The following ADAM17 variants were observed in gnomAD, a reference collection of about 807,000 sequenced individuals.
The protein encoded by ADAM17 is disintegrin and metalloproteinase domain-containing protein 17.
In ADAM17, 39 loss-of-function variants were observed where a neutral mutation model predicts 96.7. The observed-to-expected ratio is 0.40, with a 90% CI of 0.31 to 0.53. The LOEUF (loss-of-function observed/expected upper bound fraction) is 0.53, where lower values mean the gene tolerates loss of function less well. ADAM17 is among the 20% of genes least tolerant of loss of function. The pLI is 0.44. For synonymous variants in ADAM17, 344 were observed against 359.2 expected (o/e 0.96, Z 0.48); for missense variants, 777 against 1,013.2 (o/e 0.77, Z 3.17).
chr2:9,497,802 G>A (rs1260150592), intron 13 of ADAM17, among the ~76,000 whole-genome samples: 1 of 152,082 alleles, frequency 6.6e-6, no homozygotes, highest in Admixed American at 6.6e-5. Flanking sequence ...ATATCCCTGA[G>A]GATGCTAAGT....
At chr2:9,550,265 T>C (rs1160830085) in intron 1 of ADAM17, among the ~76,000 whole-genome samples, 1 of 152,006 alleles carries the variant, frequency 6.6e-6, no homozygotes, top group African/African-American at 2.4e-5. Context: ...TATGAGCTGC[T>C]TCAACTAATT....
rs573141578 is a variant in ADAM17 at position 9,532,597 on chromosome 2, A to G, written c.450+3237T>C. Among the ~76,000 whole-genome samples, 6 of 151,636 alleles carry G rather than the reference A, an allele frequency of 4.0e-5. No homozygotes were observed. In the South Asian group the frequency reaches 1.2e-3, roughly 32 times the overall value. On this transcript the variant is annotated intron_variant, in intron 4 of 18. Coordinates refer to ENST00000310823, the MANE Select transcript of ADAM17 (RefSeq NM_003183.6). ...ACTGATCCTACTGCTTCAGCATTCT[A>G]AGTAGCTGAGACCACAGGCATGTGC...
At chr2:9,521,389 T>C in intron 7 of ADAM17, 73 bp from the exon 8 acceptor site, 1 of 1,051,494 alleles carries the variant, frequency 9.5e-7, no homozygotes, top group Non-Finnish European at 1.4e-6. Context: ...TGCATTATTT[T>C]ATCTGTTCAA....
intron 8 of ADAM17, among the ~76,000 whole-genome samples, chr2:9,520,730 G>A (rs746497645): frequency 2.6e-4 from 40 of 151,972 alleles, no homozygotes; most frequent in Non-Finnish European, 8.8e-5. Context: ...TTGGGAGGCC[G>A]AGGCAGACGG....
At chr2:9,546,335 G>C (rs988825096) in intron 1 of ADAM17, among the ~76,000 whole-genome samples, 1 of 152,128 alleles carries the variant, frequency 6.6e-6, no homozygotes, top group Non-Finnish European at 1.5e-5. Context: ...AACTGCAATT[G>C]ATTCTCTTTT....
chr2:9,531,332 C>T (rs1205199406), intron 4 of ADAM17, among the ~76,000 whole-genome samples: 1 of 151,938 alleles, frequency 6.6e-6, no homozygotes, highest in East Asian at 2.0e-4. Flanking sequence ...CTTTGGGAGG[C>T]CGAGGTGGGC....
In ADAM17 at chr2:9,494,745, C is replaced by T. The variant is rs1307929891; in HGVS notation, c.1806G>A (p.Val602=). The change falls in exon 15 of 19, where the codon GTG becomes GTA. Residue 602 remains valine, a synonymous_variant. Coordinates refer to ENST00000310823, the MANE Select transcript of ADAM17 (RefSeq NM_003183.6). ...ACNETDNSCK[V]CCRDLSGRCV... ...AGCGGCCAGAAAGGTCCCTGCAGCA[C>T]ACCTTGCAGGAGTTGTCAGTTTCTG... The T allele has an allele frequency of 6.2e-7, 1 of 1,613,978 alleles. No individual in the cohort carries two copies. The highest frequency in any genetic ancestry group is 1.3e-5 in the African/African-American group (1 of 74,918).
chr2:9,550,903 CAAAAAAAAAA>C (rs33972062), intron 1 of ADAM17, among the ~76,000 whole-genome samples: 5 of 97,868 alleles, frequency 5.1e-5, no homozygotes, highest in African/African-American at 1.9e-4. Context: ...ACTAAAAATA[CAAAAAAAAAA>C]AAAAAAAAAA....
At position 9,494,845 on chromosome 2, in the gene ADAM17, C is replaced by T. The variant is rs1202595492; in HGVS notation, c.1784-78G>A. The stretch of plus-strand genomic sequence containing the variant: ...CTCCTGCCTCCTCTTTCCTCCCTGA[C>T]CATGCTCCCAAAGAGGTAAGAAATC... On this transcript the variant is annotated intron_variant, in intron 14 of 18. Coordinates refer to ENST00000310823, the MANE Select transcript of ADAM17 (RefSeq NM_003183.6). The T allele has an allele frequency of 2.6e-6, 4 of 1,549,882 alleles. No individual in the cohort carries two copies. The Admixed American group carries it at 7.4e-5, about 28-fold the overall frequency.
rs1662432968 is a variant in ADAM17, at chr2:9,494,744, A to G, written c.1807T>C (p.Cys603Arg). 6.2e-7 allele frequency: 1 copy of G among 1,614,094 alleles called. No individual in the cohort carries two copies. The highest frequency in any genetic ancestry group is 8.5e-7 in the Non-Finnish European group (1 of 1,179,982). Residue 603 changes from cysteine (C) to arginine (R), a missense_variant, in exon 15 of 19, where the codon TGC becomes CGC. Coordinates refer to ENST00000310823, the MANE Select transcript of ADAM17 (RefSeq NM_003183.6). ...CNETDNSCKVCCRDLSGRCVP... is the reference protein window; with the variant it reads ...CNETDNSCKVRCRDLSGRCVP... ...CAGCGGCCAGAAAGGTCCCTGCAGC[A>G]CACCTTGCAGGAGTTGTCAGTTTCT...
intron 7 of ADAM17, chr2:9,522,498 T>C: frequency 1.8e-6 from 1 of 550,816 alleles, no homozygotes; most frequent in East Asian, 2.9e-5. Flanking sequence ...ATTCTCTTAG[T>C]TTTATACAAG....
chr2:9,534,136 C>T (rs917964531), intron 4 of ADAM17, among the ~76,000 whole-genome samples: 4 of 152,112 alleles, frequency 2.6e-5, no homozygotes, highest in Admixed American at 6.6e-5. Context: ...TTTCAGAGGC[C>T]GAGGCTGGCA....
intron 10 of ADAM17, 45 bp downstream of exon 10, chr2:9,517,856 T>C (rs200774539): frequency 7.9e-4 from 1,052 of 1,329,856 alleles, no homozygotes; most frequent in Non-Finnish European, 9.7e-4. Context: ...GAGGTTCTAC[T>C]ACAATAAACT....
chr2:9,529,306 T>C (rs1419829408), intron 4 of ADAM17, among the ~76,000 whole-genome samples: 2 of 151,798 alleles, frequency 1.3e-5, no homozygotes, highest in Non-Finnish European at 2.9e-5. Context: ...CAAAAATTAG[T>C]CAGGCATGGT....
At chr2:9,502,317 A>G in intron 12 of ADAM17, 41 bp from the exon 13 acceptor site, 1 of 1,508,260 alleles carries the variant, frequency 6.6e-7, no homozygotes, top group Non-Finnish European at 9.2e-7. Flanking sequence ...AATTCAAATT[A>G]TGGCCCCATA....
At position 9,555,771 on chromosome 2, in the gene ADAM17, G is replaced by GCCC; in HGVS notation, c.-169_-167dup. ...GGAAGATTCTACCGCCAGGCTCGACGCCCCCAGAAGTGCAGGTGGCGTTAC... is the reference window on the plus strand; with the variant it reads ...GGAAGATTCTACCGCCAGGCTCGACGCCCCCCCCAGAAGTGCAGGTGGCGTTAC... On this transcript the variant is annotated 5_prime_UTR_variant, in exon 1 of 19. Transcript: ENST00000310823. 1 of 529,864 alleles carries GCCC rather than the reference G, an allele frequency of 1.9e-6. No individual in the cohort carries two copies. Among genetic ancestry groups the GCCC allele is most frequent in the Admixed American group, 3.9e-5 (1 of 25,842 alleles). 32.8% of individuals were successfully genotyped at this position (529,864 alleles called of 1,614,324 possible). A position where few individuals can be genotyped will look rare whatever the true frequency, so the allele number is the denominator to read the frequency against.
rs1006237022 is a variant in ADAM17 at position 9,502,124 on chromosome 2, C to A, written c.1648+49G>T. On this transcript the variant is annotated intron_variant, in intron 13 of 18. Transcript: ENST00000310823. ...AACATAATCTTGTTTTTCAAAGACA[C>A]ACACACACTTGACCCACAGCATTCC... The A allele has an allele frequency of 7.4e-6, 11 of 1,483,358 alleles. No homozygotes were observed. The Admixed American group carries it at 1.4e-4, about 18-fold the overall frequency. 91.9% of individuals were successfully genotyped at this position (1,483,358 alleles called of 1,614,324 possible).
intron 11 of ADAM17, among the ~76,000 whole-genome samples, chr2:9,508,908 A>G (rs554201985): frequency 5.4e-4 from 83 of 152,318 alleles, no homozygotes; most frequent in Non-Finnish European, 9.0e-4. Flanking sequence ...AGGAAAAATA[A>G]AACATAACAT....
chr2:9,505,184 T>C lies in ADAM17; in HGVS notation c.1526A>G (p.Lys509Arg). ...DTCCNSDCTL[K>R]EGVQCSDRNS... ...TCCTCACCTGCACTGGACACCTTCCTTCAACGTGCAGTCGCTGTTGCAGCA... is the reference window on the plus strand; with the variant it reads ...TCCTCACCTGCACTGGACACCTTCCCTCAACGTGCAGTCGCTGTTGCAGCA... The change falls in exon 12 of 19, where the codon AAG becomes AGG. Residue 509 changes from lysine (K) to arginine (R), a missense_variant. Physicochemically the swap from Lys to Arg is conservative, Grantham distance 26 (BLOSUM62 2). Around this residue, in one of 3 missense-constraint regions of ADAM17, gnomAD observed 446 missense variants for 664.7 expected, o/e 0.67. Coordinates refer to ENST00000310823, the MANE Select transcript of ADAM17 (RefSeq NM_003183.6). The C allele has an allele frequency of 6.2e-7, 1 of 1,614,216 alleles. No homozygotes were observed. The highest frequency in any genetic ancestry group is 8.5e-7 in the Non-Finnish European group (1 of 1,180,028).
Sources: gnomAD v4.1 joint callset for allele counts (sites outside exome capture counted in the v4.1 genomes callset) on GRCh38, gnomAD v4.1.1 for gene constraint, gnomAD v4.1.1 regional missense constraint, MANE v1.5 for transcripts, NCBI Gene and HGNC (gene_info 2026-07-23, HGNC 2026-07-21) for gene names.